Variants in MMP24OS observed in about 807,000 individuals in gnomAD.
The protein encoded by MMP24OS is protein MMP24OS.
rs1180891502 is a variant in MMP24OS, at chr20:35,277,779, CGGGCTGGGGCTG to C, written c.139_150del (p.Gln47_Pro50del). On this transcript the variant is annotated inframe_deletion, in exon 2 of 2. Transcript: ENST00000456790. ...TCCAGCGGCCCCCACGGGCTGGGCT[CGGGCTGGGGCTG>C]GGGCTGGGGCTGGGGCTGGGGCTGG... The C allele has an allele frequency of 9.6e-4, 165 of 172,508 alleles. No homozygotes were observed. Among genetic ancestry groups the C allele is most frequent in the East Asian group, 3.6e-3 (36 of 10,108 alleles). 10.7% of individuals were successfully genotyped at this position (172,508 alleles called of 1,614,324 possible). A position where few individuals can be genotyped will look rare whatever the true frequency, so the allele number is the denominator to read the frequency against.
rs2060707304 is a variant in MMP24OS at position 35,276,471 on chromosome 20, T to G, written c.*1243A>C. 5.0e-6 allele frequency: 2 copies of G among 396,116 alleles called. No homozygotes were observed. Among genetic ancestry groups the G allele is most frequent in the Admixed American group, 8.8e-5 (2 of 22,624 alleles). 24.5% of individuals were successfully genotyped at this position (396,116 alleles called of 1,614,324 possible). On this transcript the variant is annotated 3_prime_UTR_variant, in exon 2 of 2. Coordinates refer to ENST00000456790, the MANE Select transcript of MMP24OS (RefSeq NM_001355003.2). ...GCCCTCAGATGAAGCACAGAGAGGT[T>G]GTTACTTGCCCGGGCCATCCAGTGG...
chr20:35,277,611 G>A lies in MMP24OS; in HGVS notation c.*103C>T, dbSNP rs372738583. ...CTGCTATCTCTGGGGAGCCTCGGGT[G>A]GGAGGGGGTGTAAGAGACGCAGGGA... On this transcript the variant is annotated 3_prime_UTR_variant, in exon 2 of 2. Coordinates refer to ENST00000456790, the MANE Select transcript of MMP24OS (RefSeq NM_001355003.2). 5 of 392,494 alleles carry A rather than the reference G, an allele frequency of 1.3e-5. No individual in the cohort carries two copies. In the South Asian group the frequency reaches 5.4e-4, roughly 42 times the overall value. 24.3% of individuals were successfully genotyped at this position (392,494 alleles called of 1,614,324 possible). A position where few individuals can be genotyped will look rare whatever the true frequency, so the allele number is the denominator to read the frequency against.
At position 35,277,395 on chromosome 20, in the gene MMP24OS, G is replaced by A. The variant is rs1221478526; in HGVS notation, c.*319C>T. 1 of 328,986 alleles carries A rather than the reference G, an allele frequency of 3.0e-6. No individual in the cohort carries two copies. Among genetic ancestry groups the A allele is most frequent in the African/African-American group, 2.1e-5 (1 of 46,758 alleles). 20.4% of individuals were successfully genotyped at this position (328,986 alleles called of 1,614,324 possible). ...CAGCAACTTTGCGGGCTTACCAGGA[G>A]GCCTGTCCTGCCTCTGGAAGCCAGC... is the stretch of plus-strand genomic sequence containing the variant. On this transcript the variant is annotated 3_prime_UTR_variant, in exon 2 of 2. Coordinates refer to ENST00000456790, the MANE Select transcript of MMP24OS (RefSeq NM_001355003.2).
In MMP24OS at chr20:35,277,404, T is replaced by G. The variant is rs2060717474; in HGVS notation, c.*310A>C. 1 of 338,270 alleles carries G rather than the reference T, an allele frequency of 3.0e-6. No individual in the cohort carries two copies. Among genetic ancestry groups the G allele is most frequent in the Non-Finnish European group, 5.3e-6 (1 of 187,396 alleles). 21.0% of individuals were successfully genotyped at this position (338,270 alleles called of 1,614,324 possible). A position where few individuals can be genotyped will look rare whatever the true frequency, so the allele number is the denominator to read the frequency against. ...TGCGGGCTTACCAGGAGGCCTGTCC[T>G]GCCTCTGGAAGCCAGCGACAGAGAG... On this transcript the variant is annotated 3_prime_UTR_variant, in exon 2 of 2. Coordinates refer to ENST00000456790, the MANE Select transcript of MMP24OS (RefSeq NM_001355003.2).
chr20:35,277,995 G>A lies in MMP24OS; in HGVS notation c.-4+14C>T, dbSNP rs2060729061. Reference sequence around the variant, plus strand: ...GGACACCCCGCTAGGGCCCCGCCCCGGCTCTGCCCTCACCTCTCGCAGCCA... The same window carrying A: ...GGACACCCCGCTAGGGCCCCGCCCCAGCTCTGCCCTCACCTCTCGCAGCCA... On this transcript the variant is annotated intron_variant, in intron 1 of 1. Coordinates refer to ENST00000456790, the MANE Select transcript of MMP24OS (RefSeq NM_001355003.2). 1.5e-5 allele frequency: 6 copies of A among 393,604 alleles called. No individual in the cohort carries two copies. The highest frequency in any genetic ancestry group is 2.7e-5 in the Non-Finnish European group (6 of 222,762). The allele number at this position is 393,604 out of a possible 1,614,324, so 24.4% of individuals were successfully genotyped here.
chr20:35,277,314 A>G lies in MMP24OS; in HGVS notation c.*400T>C, dbSNP rs979950544. ...GGACATGACCTGGGACACATAGTCAAGAGCACGGTTATCAGCAATACAGAT... is the reference window on the plus strand; with the variant it reads ...GGACATGACCTGGGACACATAGTCAGGAGCACGGTTATCAGCAATACAGAT... On this transcript the variant is annotated 3_prime_UTR_variant, in exon 2 of 2. Coordinates refer to ENST00000456790, the MANE Select transcript of MMP24OS (RefSeq NM_001355003.2). The G allele has an allele frequency of 1.1e-5, 2 of 175,060 alleles. No homozygotes were observed. Among genetic ancestry groups the G allele is most frequent in the Non-Finnish European group, 2.4e-5 (2 of 83,988 alleles). The allele number at this position is 175,060 out of a possible 1,614,324, so 10.8% of individuals were successfully genotyped here.
In MMP24OS at chr20:35,277,994, C is replaced by A; in HGVS notation, c.-4+15G>T. On this transcript the variant is annotated intron_variant, in intron 1 of 1. Coordinates refer to ENST00000456790, the MANE Select transcript of MMP24OS (RefSeq NM_001355003.2). ...GGGACACCCCGCTAGGGCCCCGCCC[C>A]GGCTCTGCCCTCACCTCTCGCAGCC... The A allele has an allele frequency of 2.5e-6, 1 of 394,104 alleles. No homozygotes were observed. The highest frequency in any genetic ancestry group is 1.3e-4 in the South Asian group (1 of 7,788). The allele number at this position is 394,104 out of a possible 1,614,324, so 24.4% of individuals were successfully genotyped here.
In MMP24OS at chr20:35,276,554, G is replaced by T; in HGVS notation, c.*1160C>A. On this transcript the variant is annotated 3_prime_UTR_variant, in exon 2 of 2. Coordinates refer to ENST00000456790, the MANE Select transcript of MMP24OS (RefSeq NM_001355003.2). ...CCCTCTAGGGTCTGAGATGAGATGA[G>T]AAGTGTCTCCTGTATCCACCTCTTC... The T allele has an allele frequency of 2.8e-6, 1 of 359,688 alleles. No individual in the cohort carries two copies. The highest frequency in any genetic ancestry group is 4.0e-5 in the East Asian group (1 of 24,822). The allele number at this position is 359,688 out of a possible 1,614,324, so 22.3% of individuals were successfully genotyped here.
rs562339018 is a variant in MMP24OS at position 35,277,630 on chromosome 20, G to A, written c.*84C>T. 2.3e-5 allele frequency: 9 copies of A among 393,594 alleles called. No individual in the cohort carries two copies. In the South Asian group the frequency reaches 1.2e-3, roughly 51 times the overall value. 24.4% of individuals were successfully genotyped at this position (393,594 alleles called of 1,614,324 possible). ...TCGGGTGGGAGGGGGTGTAAGAGAC[G>A]CAGGGACGTGGGGAGAGGAGACAAG... On this transcript the variant is annotated 3_prime_UTR_variant, in exon 2 of 2. Transcript: ENST00000456790.
intron 1 of MMP24OS, 21 bp downstream of exon 1, chr20:35,277,988 C>G (rs918505461): frequency 2.5e-6 from 1 of 394,758 alleles, no homozygotes; most frequent in African/African-American, 2.1e-5. Context: ...CGCTAGGGCC[C>G]CGCCCCGGCT....
rs1180891502 is a variant in MMP24OS at position 35,277,779 on chromosome 20, C to CGGGCTGGGGCTG, written c.139_150dup (p.Gln47_Pro50dup). ...TCCAGCGGCCCCCACGGGCTGGGCT[C>CGGGCTGGGGCTG]GGGCTGGGGCTGGGGCTGGGGCTGG... On this transcript the variant is annotated inframe_insertion, in exon 2 of 2. Coordinates refer to ENST00000456790, the MANE Select transcript of MMP24OS (RefSeq NM_001355003.2). 7.5e-3 allele frequency: 1,300 copies of CGGGCTGGGGCTG among 172,502 alleles called. 15 individuals carry two copies. The highest frequency in any genetic ancestry group is 0.036 in the African/African-American group (986 of 27,026). 10.7% of individuals were successfully genotyped at this position (172,502 alleles called of 1,614,324 possible).
Position 35,277,496 on chromosome 20 carries a change from G to A in MMP24OS, c.*218C>T. The A allele has an allele frequency of 2.6e-6, 1 of 386,962 alleles. No individual in the cohort carries two copies. The allele number at this position is 386,962 out of a possible 1,614,324, so 24.0% of individuals were successfully genotyped here. ...GTCACGAAGGTCTGAGCTGGGTCTG[G>A]GTGTAGGCTGGGAAGCAGGCTGGGG... On this transcript the variant is annotated 3_prime_UTR_variant, in exon 2 of 2. Transcript: ENST00000456790.
At position 35,277,746 on chromosome 20, in the gene MMP24OS, G is replaced by C; in HGVS notation, c.184C>G (p.Arg62Gly). 1 of 341,694 alleles carries C rather than the reference G, an allele frequency of 2.9e-6. No individual in the cohort carries two copies. Among genetic ancestry groups the C allele is most frequent in the Non-Finnish European group, 5.2e-6 (1 of 191,438 alleles). The allele number at this position is 341,694 out of a possible 1,614,324, so 21.2% of individuals were successfully genotyped here. Reference protein sequence around the residue: ...PSPWGPLDDVRFLIACTSWY With the variant: ...PSPWGPLDDVGFLIACTSWY ...CAGGAAGTGCAGGCGATGAGGAAGCGCACGTCGTCCAGCGGCCCCCACGGG... is the reference window on the plus strand; with the variant it reads ...CAGGAAGTGCAGGCGATGAGGAAGCCCACGTCGTCCAGCGGCCCCCACGGG... The change falls in exon 2 of 2, where the codon CGC (arginine) becomes GGC (glycine). Residue 62 changes from arginine (R) to glycine (G), a missense_variant. By Grantham distance (125) the Arg-to-Gly change is moderately radical. Transcript: ENST00000456790.
In MMP24OS at chr20:35,278,011, C is replaced by G. The variant is rs1240532750; in HGVS notation, c.-6G>C. The G allele has an allele frequency of 2.6e-6, 1 of 390,926 alleles. No individual in the cohort carries two copies. The highest frequency in any genetic ancestry group is 4.5e-6 in the Non-Finnish European group (1 of 221,150). The allele number at this position is 390,926 out of a possible 1,614,324, so 24.2% of individuals were successfully genotyped here. On this transcript the variant is annotated splice_region_variant and 5_prime_UTR_variant, in exon 1 of 2. Transcript: ENST00000456790. ...CCCCGCCCCGGCTCTGCCCTCACCT[C>G]TCGCAGCCAGACCCGCGGGTCTCCC...
rs1253280518 is a variant in MMP24OS at position 35,277,899 on chromosome 20, C to T, written c.31G>A (p.Ala11Thr). 5.0e-6 allele frequency: 2 copies of T among 398,284 alleles called. No individual in the cohort carries two copies. Among genetic ancestry groups the T allele is most frequent in the Non-Finnish European group, 8.8e-6 (2 of 226,128 alleles). The allele number at this position is 398,284 out of a possible 1,614,324, so 24.7% of individuals were successfully genotyped here. A position where few individuals can be genotyped will look rare whatever the true frequency, so the allele number is the denominator to read the frequency against. Residue 11 changes from alanine to threonine, a missense_variant, in exon 2 of 2, where the codon GCC becomes ACC. Coordinates refer to ENST00000456790, the MANE Select transcript of MMP24OS (RefSeq NM_001355003.2). MGAQLSGGRG[A>T]PEPAQTQPQP... ...GGCTGGGTTTGCGCAGGCTCCGGGG[C>T]GCCGCGGCCGCCGCTTAGCTGAGCC...
Position 35,278,104 on chromosome 20 carries a change from C to T in MMP24OS, c.-99G>A, listed in dbSNP as rs865837800. 7.7e-6 allele frequency: 3 copies of T among 387,946 alleles called. No homozygotes were observed. The highest frequency in any genetic ancestry group is 2.1e-5 in the African/African-American group (1 of 48,218). The allele number at this position is 387,946 out of a possible 1,614,324, so 24.0% of individuals were successfully genotyped here. On this transcript the variant is annotated 5_prime_UTR_variant, in exon 1 of 2. Transcript: ENST00000456790. Reference sequence around the variant, plus strand: ...ACCACCGCGTACCGACCTCACCCTCCGTGCGTTGGAGCGGAAAGAAGGGAC... The same window carrying T: ...ACCACCGCGTACCGACCTCACCCTCTGTGCGTTGGAGCGGAAAGAAGGGAC...
rs1452466307 is a variant in MMP24OS, at chr20:35,277,097, G to A, written c.*617C>T. On this transcript the variant is annotated 3_prime_UTR_variant, in exon 2 of 2. Coordinates refer to ENST00000456790, the MANE Select transcript of MMP24OS (RefSeq NM_001355003.2). ...ACCGGGTCCTTTGGGGTGTCTGGGA[G>A]CTGCCCACCCATCTCCTCTGCCAGA... 6.6e-6 allele frequency: 1 copy of A among 152,564 alleles called. No homozygotes were observed. The highest frequency in any genetic ancestry group is 1.5e-5 in the Non-Finnish European group (1 of 68,066). The allele number at this position is 152,564 out of a possible 1,614,324, so 9.5% of individuals were successfully genotyped here. A position where few individuals can be genotyped will look rare whatever the true frequency, so the allele number is the denominator to read the frequency against.
rs755833585 is a variant in MMP24OS, at chr20:35,277,448, C to A, written c.*266G>T. 2.9e-5 allele frequency: 11 copies of A among 373,888 alleles called. No homozygotes were observed. Among genetic ancestry groups the A allele is most frequent in the Non-Finnish European group, 5.2e-5 (11 of 210,478 alleles). The allele number at this position is 373,888 out of a possible 1,614,324, so 23.2% of individuals were successfully genotyped here. On this transcript the variant is annotated 3_prime_UTR_variant, in exon 2 of 2. Transcript: ENST00000456790. ...CAGAGAGGGATGCCCCCGACCCAGCCAGCCGGAGAAAGGGATGGGGTGGTC... is the reference window on the plus strand; with the variant it reads ...CAGAGAGGGATGCCCCCGACCCAGCAAGCCGGAGAAAGGGATGGGGTGGTC...
Position 35,278,047 on chromosome 20 carries a change from T to A in MMP24OS, c.-42A>T, listed in dbSNP as rs2060729728. ...ACCCGCGGGTCTCCCGGAACCCACC[T>A]CGGCGTCGGGAGGAGCTGGCGCCGT... On this transcript the variant is annotated 5_prime_UTR_variant, in exon 1 of 2. Transcript: ENST00000456790. 2.6e-6 allele frequency: 1 copy of A among 388,296 alleles called. No homozygotes were observed. The highest frequency in any genetic ancestry group is 4.5e-6 in the Non-Finnish European group (1 of 219,880). The allele number at this position is 388,296 out of a possible 1,614,324, so 24.1% of individuals were successfully genotyped here.
Sources: allele counts gnomAD v4.1 joint callset, GRCh38; gene constraint gnomAD v4.1.1; transcripts MANE v1.5; gene names NCBI Gene and HGNC (gene_info 2026-07-23, HGNC 2026-07-21).